Variants in CEP120 observed in about 807,000 individuals in gnomAD.
CEP120 encodes the protein centrosomal protein 120.
CEP120 carries 113 observed loss-of-function variants against 126.5 expected under a neutral mutation model. The observed-to-expected ratio is 0.89, with a 90% CI of 0.77 to 1.04. The LOEUF is 1.04. CEP120 is among the 50% of genes least tolerant of loss of function. The probability of loss-of-function intolerance (pLI) is 0.00; values close to 1 mark genes in which losing one functional copy is unlikely to be tolerated. For missense variants in CEP120, 1,230 were observed against 1,155.7 expected (o/e 1.06, Z -0.93); for synonymous variants, 400 against 394.3 (o/e 1.01, Z -0.17).
intron 18 of CEP120, among the ~76,000 whole-genome samples, chr5:123,360,981 CATAG>C (rs1770036281): frequency 6.6e-6 from 1 of 151,656 alleles, no homozygotes; most frequent in Non-Finnish European, 1.5e-5. Context: ...AAAGTTCTTG[CATAG>C]ATACTTCTCA....
intron 2 of CEP120, among the ~76,000 whole-genome samples, chr5:123,417,575 A>T (rs1232224379): frequency 6.6e-6 from 1 of 152,044 alleles, no homozygotes; most frequent in East Asian, 1.9e-4. Flanking sequence ...TTCACTGGAT[A>T]CCCCTCTATA....
In CEP120 at chr5:123,346,268, T is replaced by A; in HGVS notation, c.*251A>T. On this transcript the variant is annotated 3_prime_UTR_variant, in exon 20 of 20. Transcript: ENST00000306467. ...TTTTGAAAGTTAGTTAGCCATCAGA[T>A]TATAAACTATGAAAAACACTGAAAA... 1 of 378,650 alleles carries A rather than the reference T, an allele frequency of 2.6e-6. No individual in the cohort carries two copies. Among genetic ancestry groups the A allele is most frequent in the Non-Finnish European group, 4.7e-6 (1 of 212,144 alleles). The allele number at this position is 378,650 out of a possible 1,614,324, so 23.5% of individuals were successfully genotyped here. A position where few individuals can be genotyped will look rare whatever the true frequency, so the allele number is the denominator to read the frequency against.
chr5:123,422,577 T>C (rs1434656115), intron 1 of CEP120: 2 of 1,528,754 alleles, frequency 1.3e-6, no homozygotes, highest in East Asian at 2.4e-5. Flanking sequence ...GCAGGAAGCC[T>C]GTATTCAAGT....
At chr5:123,363,069 C>T (rs188859071) in intron 18 of CEP120, among the ~76,000 whole-genome samples, 25 of 151,682 alleles carry the variant, frequency 1.6e-4, no homozygotes, top group African/African-American at 4.8e-4. Context: ...ACTTAGAAAA[C>T]GGGCCCTCCT....
chr5:123,356,066 T>C (rs1424159663), intron 18 of CEP120, among the ~76,000 whole-genome samples: 3 of 152,202 alleles, frequency 2.0e-5, no homozygotes, highest in Non-Finnish European at 4.4e-5. Context: ...TTTGTCAGGT[T>C]TGTCAAAGAT....
At chr5:123,349,695 G>A (rs1409343947) in intron 19 of CEP120, among the ~76,000 whole-genome samples, 1 of 151,932 alleles carries the variant, frequency 6.6e-6, no homozygotes. Flanking sequence ...CTGGAGTGCA[G>A]TGTGGCATGA....
In CEP120 at chr5:123,391,439, A is replaced by T. The variant is rs190637687; in HGVS notation, c.811-102T>A. ...GTTGTAAAATGATGCATGGAAAGAAAATATTATGCAGGTTATACCTCATTG... is the reference window on the plus strand; with the variant it reads ...GTTGTAAAATGATGCATGGAAAGAATATATTATGCAGGTTATACCTCATTG... On this transcript the variant is annotated intron_variant, in intron 6 of 19. Coordinates refer to ENST00000306467, the MANE Select transcript of CEP120 (RefSeq NM_001375405.1). 1.5e-3 allele frequency: 1,365 copies of T among 888,958 alleles called. 14 individuals carry two copies. Among genetic ancestry groups the T allele is most frequent in the South Asian group, 9.6e-3 (573 of 59,800 alleles). 55.1% of individuals were successfully genotyped at this position (888,958 alleles called of 1,614,324 possible).
At chr5:123,401,332 A>T in intron 4 of CEP120, 2 of 1,602,772 alleles carry the variant, frequency 1.2e-6, no homozygotes, top group Non-Finnish European at 1.7e-6. Context: ...ACTGCTCGGC[A>T]TCTGCAATGG....
At chr5:123,357,249 T>A (rs1003324737) in intron 18 of CEP120, among the ~76,000 whole-genome samples, 13 of 152,118 alleles carry the variant, frequency 8.5e-5, no homozygotes, top group Admixed American at 8.5e-4. Context: ...CTGTGATGCA[T>A]CTAGGTAGGC....
chr5:123,350,023 G>A lies in CEP120; in HGVS notation c.2647C>T (p.Arg883Cys), dbSNP rs140306974. 1.2e-4 allele frequency: 198 copies of A among 1,613,560 alleles called. 1 individual carries two copies. The African/African-American group carries it at 2.1e-3, about 17-fold the overall frequency. ...QQEELEQMRL[R>C]YLAAEEKDTV... is the part of the protein sequence containing the mutation. Reference sequence around the variant, plus strand: ...TCTTTTTCCTCAGCGGCAAGGTAACGTAGTCTCATCTGTTCCAATTCTTCC... The same window carrying A: ...TCTTTTTCCTCAGCGGCAAGGTAACATAGTCTCATCTGTTCCAATTCTTCC... Residue 883 changes from arginine (R) to cysteine (C), a missense_variant, in exon 19 of 20, where the codon CGT becomes TGT. Coordinates refer to ENST00000306467, the MANE Select transcript of CEP120 (RefSeq NM_001375405.1).
intron 19 of CEP120, among the ~76,000 whole-genome samples, chr5:123,349,107 C>A (rs533528703): frequency 2.4e-4 from 37 of 152,228 alleles, no homozygotes; most frequent in Non-Finnish European, 4.3e-4. Context: ...TATGCTGCTT[C>A]CTAGTGATTA....
At chr5:123,421,522 T>A (rs1774712378) in intron 1 of CEP120, among the ~76,000 whole-genome samples, 2 of 152,248 alleles carry the variant, frequency 1.3e-5, no homozygotes, top group African/African-American at 4.8e-5. Context: ...GTTGTCAGAC[T>A]GGCCTGGGTT....
In CEP120 at chr5:123,390,138, A is replaced by G. The variant is rs1373988752; in HGVS notation, c.1041T>C (p.Ser347=). The G allele has an allele frequency of 6.3e-7, 1 of 1,594,486 alleles. No homozygotes were observed. Among genetic ancestry groups the G allele is most frequent in the South Asian group, 1.1e-5 (1 of 87,774 alleles). The change falls in exon 8 of 20, where the codon TCT becomes TCC. Residue 347 remains serine, a splice_region_variant and synonymous_variant. Coordinates refer to ENST00000306467, the MANE Select transcript of CEP120 (RefSeq NM_001375405.1). ...CATTCTGGGTCTTTAATTCAATTAA[A>G]GACTAAAAACAATTTTTAAATAAAG... The part of the protein sequence containing the change: ...ALQREGIDSQ[S]LIELKTQNEH...
At chr5:123,391,828 TTC>T (rs1478337489) in intron 6 of CEP120, among the ~76,000 whole-genome samples, 5 of 152,170 alleles carry the variant, frequency 3.3e-5, no homozygotes, top group Non-Finnish European at 5.9e-5. Flanking sequence ...TCTTGAATAT[TTC>T]TCTTTTCTTG....
chr5:123,420,721 G>C (rs1048451225), intron 1 of CEP120, among the ~76,000 whole-genome samples: 1 of 152,192 alleles, frequency 6.6e-6, no homozygotes, highest in East Asian at 1.9e-4. Flanking sequence ...TGAAGAATCA[G>C]ACTACTGAAA....
intron 5 of CEP120, among the ~76,000 whole-genome samples, chr5:123,394,329 G>C (rs181082921): frequency 2.2e-4 from 34 of 152,252 alleles, no homozygotes; most frequent in African/African-American, 7.9e-4. Context: ...GGGTATAGGG[G>C]GAATAGTTAC....
At chr5:123,381,010 T>A (rs1771600991) in intron 14 of CEP120, among the ~76,000 whole-genome samples, 2 of 151,816 alleles carry the variant, frequency 1.3e-5, no homozygotes, top group African/African-American at 4.8e-5. Context: ...GTTATTCAAG[T>A]TTTTAATGGT....
rs971660792 is a variant in CEP120 at position 123,412,440 on chromosome 5, T to C, written c.422A>G (p.Asp141Gly). Residue 141 changes from aspartate (D) to glycine (G), a missense_variant, in exon 4 of 20, where the codon GAT becomes GGT. By Grantham distance (94) the Asp-to-Gly change is moderately conservative (BLOSUM62 -1). Coordinates refer to ENST00000306467, the MANE Select transcript of CEP120 (RefSeq NM_001375405.1). ...ALETDTKPPV[D>G]SFKAKGAPPR... is the part of the protein sequence containing the mutation. ...GGGAGCCCCCTTTGCTTTAAAGCTA[T>C]CCACTGGTGGCTTTGTATCGGTTTC... 1.9e-6 allele frequency: 3 copies of C among 1,612,128 alleles called. No individual in the cohort carries two copies. The highest frequency in any genetic ancestry group is 1.3e-5 in the African/African-American group (1 of 74,838).
intron 19 of CEP120, among the ~76,000 whole-genome samples, chr5:123,348,152 A>T (rs1030942672): frequency 6.6e-6 from 1 of 152,174 alleles, no homozygotes. Flanking sequence ...TTTATATCTT[A>T]TCTATCACTT....
Sources: gnomAD v4.1 joint callset for allele counts (sites outside exome capture counted in the v4.1 genomes callset) on GRCh38, gnomAD v4.1.1 for gene constraint, MANE v1.5 for transcripts, NCBI Gene and HGNC (gene_info 2026-07-23, HGNC 2026-07-21) for gene names.